The following MGAM variants were observed in gnomAD, a reference collection of about 807,000 sequenced individuals.
MGAM encodes the protein alpha-1,4-glucosidase.
A neutral mutation model predicts 358.8 loss-of-function variants in MGAM; 253 were observed. The ratio of observed to expected loss-of-function variants is 0.71; its 90% confidence interval spans 0.64 to 0.78. The LOEUF is 0.78. Ranked by LOEUF, MGAM falls within the 30% of genes least tolerant of loss-of-function variation. The pLI is 0.00. For missense variants in MGAM, 3,080 were observed against 3,432.6 expected, an observed-to-expected ratio of 0.90 and a Z score of 2.57; for synonymous variants, 1,105 against 1,227.1, an observed-to-expected ratio of 0.90 and a Z score of 2.08.
chr7:142,076,084 A>C lies in MGAM; in HGVS notation c.5276-119A>C. Reference sequence around the variant, plus strand: ...TACAATGGAATATTATTCATCCATAAGGTAAAGGAAATACTGCCATTTGTG... The same window carrying C: ...TACAATGGAATATTATTCATCCATACGGTAAAGGAAATACTGCCATTTGTG... On this transcript the variant is annotated intron_variant, in intron 45 of 70. Coordinates refer to ENST00000475668, the MANE Select transcript of MGAM (RefSeq NM_001365693.1). 5 of 781,812 alleles carry C rather than the reference A, an allele frequency of 6.4e-6. 1 individual carries two copies. Among genetic ancestry groups the C allele is most frequent in the Non-Finnish European group, 1.1e-5 (5 of 456,696 alleles). The allele number at this position is 781,812 out of a possible 1,614,324, so 48.4% of individuals were successfully genotyped here. A position where few individuals can be genotyped will look rare whatever the true frequency, so the allele number is the denominator to read the frequency against.
chr7:142,045,842 C>T (rs1427937158), intron 21 of MGAM, among the ~76,000 whole-genome samples: 1 of 115,490 alleles, frequency 8.7e-6, no homozygotes, highest in African/African-American at 3.6e-5. Context: ...TATATACATA[C>T]AATATGTAAT....
At chr7:142,092,752 T>C in intron 59 of MGAM, 144 bp downstream of exon 59, 3 of 813,592 alleles carry the variant, frequency 3.7e-6, no homozygotes, top group Non-Finnish European at 5.7e-6. Flanking sequence ...AGACAAAAGC[T>C]CTGCACGCGC....
chr7:142,045,183 A>G (rs1809943116), intron 21 of MGAM, among the ~76,000 whole-genome samples: 1 of 75,176 alleles, frequency 1.3e-5, no homozygotes, highest in South Asian at 3.6e-4. Flanking sequence ...TATATAACAT[A>G]TATGATATAT....
intron 68 of MGAM, among the ~76,000 whole-genome samples, chr7:142,101,681 G>A (rs553071968): frequency 1.8e-4 from 27 of 151,608 alleles, no homozygotes; most frequent in East Asian, 7.8e-4. Context: ...CGAGGCAGCC[G>A]GATCACCTGA....
In MGAM at chr7:142,076,788, C is replaced by A. The variant is rs764886301; in HGVS notation, c.5455C>A (p.Gln1819Lys). ...GGTGAAACACAATGGTGTCCCAAGT[C>A]AGACTTCTCCTACAGTCACTTATGA... The part of the protein sequence containing the change: ...VTVKHNGVPS[Q>K]TSPTVTYDSN... Residue 1819 changes from glutamine to lysine, a missense_variant, in exon 47 of 71, where the codon CAG becomes AAG. Gln to Lys is a moderately conservative substitution (Grantham distance 53). Transcript: ENST00000475668. 5.8e-6 allele frequency: 9 copies of A among 1,555,260 alleles called. 1 individual carries two copies. The South Asian group carries it at 1.0e-4, about 17-fold the overall frequency.
Position 142,052,466 on chromosome 7 carries a change from TTG to T in MGAM, c.2958+25_2958+26del. ...TGGGAGGTAACCATGCTGATGGGGTTTGTGTGCATGAGAATCTCCACACCTAA... is the reference window on the plus strand; with the variant it reads ...TGGGAGGTAACCATGCTGATGGGGTTTGTGCATGAGAATCTCCACACCTAA... On this transcript the variant is annotated intron_variant, in intron 25 of 70. Coordinates refer to ENST00000475668, the MANE Select transcript of MGAM (RefSeq NM_001365693.1). 1 of 1,612,250 alleles carries T rather than the reference TTG, an allele frequency of 6.2e-7. No homozygotes were observed. Among genetic ancestry groups the T allele is most frequent in the Non-Finnish European group, 8.5e-7 (1 of 1,179,426 alleles).
chr7:142,005,756 GTGT>G, intron 2 of MGAM, 99 bp downstream of exon 2: 7 of 1,262,114 alleles, frequency 5.5e-6, no homozygotes, highest in Non-Finnish European at 7.7e-6. Context: ...ATGTGTGTAT[GTGT>G]TTGTTGCGGG....
upstream of MGAM, among the ~76,000 whole-genome samples, chr7:141,992,191 CTT>C (rs1472209304): frequency 2.6e-5 from 4 of 152,108 alleles, no homozygotes; most frequent in African/African-American, 9.7e-5. Context: ...AACATCAAGT[CTT>C]TTACTCACAT....
chr7:142,040,787 T>A lies in MGAM; in HGVS notation c.2439T>A (p.Leu813=). ...AACTTCCTGGAGACAAAATTGGACTTCACCTTCGAGGAGGCTACATCTTCC... is the reference window on the plus strand; with the variant it reads ...AACTTCCTGGAGACAAAATTGGACTACACCTTCGAGGAGGCTACATCTTCC... ...EMELPGDKIG[L]HLRGGYIFPT... is the part of the protein sequence containing the mutation. The change falls in exon 21 of 71, where the codon CTT becomes CTA. Residue 813 remains leucine, a synonymous_variant. Coordinates refer to ENST00000475668, the MANE Select transcript of MGAM (RefSeq NM_001365693.1). 6.2e-7 allele frequency: 1 copy of A among 1,613,320 alleles called. No individual in the cohort carries two copies. The highest frequency in any genetic ancestry group is 1.7e-5 in the Admixed American group (1 of 59,940).
At chr7:142,045,246 T>C (rs1463837238) in intron 21 of MGAM, among the ~76,000 whole-genome samples, 65 of 70,616 alleles carry the variant, frequency 9.2e-4, no homozygotes, top group Middle Eastern at 0.04. Context: ...TATCATATAA[T>C]ATATGATATA....
At chr7:142,010,343 G>A (rs573769546) in intron 3 of MGAM, among the ~76,000 whole-genome samples, 8 of 152,146 alleles carry the variant, frequency 5.3e-5, no homozygotes, top group South Asian at 2.1e-4. Flanking sequence ...AGCTGAACTC[G>A]TTACCTCCTC....
intron 3 of MGAM, among the ~76,000 whole-genome samples, chr7:142,016,581 A>T (rs2128991607): frequency 6.6e-6 from 1 of 152,154 alleles, no homozygotes; most frequent in African/African-American, 2.4e-5. Context: ...GCCTGATATT[A>T]GTATGGCTTT....
At chr7:142,049,743 A>G (rs1810759139) in intron 22 of MGAM, among the ~76,000 whole-genome samples, 1 of 152,210 alleles carries the variant, frequency 6.6e-6, no homozygotes, top group Admixed American at 6.5e-5. Context: ...AAAAAATTAC[A>G]GTGAGCTACC....
chr7:142,001,672 G>A (rs1804750562), intron 1 of MGAM, among the ~76,000 whole-genome samples: 2 of 152,056 alleles, frequency 1.3e-5, no homozygotes, highest in Admixed American at 6.6e-5. Context: ...AACACACGGG[G>A]CCATAAAGCA....
chr7:142,070,814 G>A (rs1813279777), intron 43 of MGAM, among the ~76,000 whole-genome samples, 180 bp from the exon 44 acceptor site: 1 of 146,344 alleles, frequency 6.8e-6, no homozygotes, highest in Non-Finnish European at 1.5e-5. Context: ...AGATATTATA[G>A]CAGCCTTGCG....
chr7:141,987,956 C>T (rs1803780863), intron 2 of MGAM, among the ~76,000 whole-genome samples: 1 of 152,112 alleles, frequency 6.6e-6, no homozygotes, highest in Admixed American at 6.5e-5. Flanking sequence ...CCTGCCTTAT[C>T]TTAAAGGATT....
chr7:142,056,820 T>C lies in MGAM; in HGVS notation c.3581-10T>C. 6.2e-7 allele frequency: 1 copy of C among 1,613,396 alleles called. No homozygotes were observed. The highest frequency in any genetic ancestry group is 1.3e-5 in the African/African-American group (1 of 74,994). Reference sequence around the variant, plus strand: ...TGTCCGTGAGGCTTGGCATTTTTCTTTATTTTCAGATGTGACGTTCCAGCC... The same window carrying C: ...TGTCCGTGAGGCTTGGCATTTTTCTCTATTTTCAGATGTGACGTTCCAGCC... On this transcript the variant is annotated splice_polypyrimidine_tract_variant and intron_variant, in intron 29 of 70. Coordinates refer to ENST00000475668, the MANE Select transcript of MGAM (RefSeq NM_001365693.1).
At position 142,103,433 on chromosome 7, in the gene MGAM, G is replaced by A. The variant is rs752684574; in HGVS notation, c.8178G>A (p.Thr2726=). ...VITPSFNNDP[T]TQVLSIDVTD... is the part of the protein sequence containing the mutation. Reference sequence around the variant, plus strand: ...CACCCTCCTTCAACAATGACCCCACGACACAGGTTTGTGACCAGCAAAAAG... The same window carrying A: ...CACCCTCCTTCAACAATGACCCCACAACACAGGTTTGTGACCAGCAAAAAG... The change falls in exon 70 of 71, where the codon ACG becomes ACA. Residue 2726 remains threonine (T), a synonymous_variant. Coordinates refer to ENST00000475668, the MANE Select transcript of MGAM (RefSeq NM_001365693.1). 3.1e-6 allele frequency: 5 copies of A among 1,601,766 alleles called. No homozygotes were observed. Among genetic ancestry groups the A allele is most frequent in the South Asian group, 2.3e-5 (2 of 88,832 alleles).
At chr7:142,003,504 C>T (rs1253080612) in intron 1 of MGAM, among the ~76,000 whole-genome samples, 1 of 151,962 alleles carries the variant, frequency 6.6e-6, no homozygotes, top group Non-Finnish European at 1.5e-5. Context: ...ACTGGGATGT[C>T]ATATGCAGAA....
Sources: gnomAD v4.1 joint callset for allele counts (sites outside exome capture counted in the v4.1 genomes callset) on GRCh38, gnomAD v4.1.1 for gene constraint, MANE v1.5 for transcripts, NCBI Gene and HGNC (gene_info 2026-07-23, HGNC 2026-07-21) for gene names.